CFI: variants seen among roughly 807,000 people sequenced by gnomAD.
CFI encodes C3B/C4B inactivator.
A neutral mutation model predicts 78.8 loss-of-function variants in CFI; 66 were observed. That is an observed-to-expected ratio of 0.84 (90% confidence interval 0.69 to 1.03). The LOEUF (loss-of-function observed/expected upper bound fraction) is 1.03. Among genes scored for constraint, CFI ranks in the 50% least tolerant of loss-of-function variants. The pLI is 0.00. For missense variants in CFI, 706 were observed against 704.5 expected, an observed-to-expected ratio of 1.00 and a Z score of -0.02; for synonymous variants, 250 against 232.6, an observed-to-expected ratio of 1.07 and a Z score of -0.68.
At chr4:109,751,591 GC>G (rs1277364358) in intron 8 of CFI, among the ~76,000 whole-genome samples, 1 of 151,818 alleles carries the variant, frequency 6.6e-6, no homozygotes, top group Non-Finnish European at 1.5e-5. Context: ...ACAGGCACCT[GC>G]TACCATGTCT....
chr4:109,766,429 G>C (rs935277870), intron 2 of CFI, 125 bp downstream of exon 2: 53 of 1,052,954 alleles, frequency 5.0e-5, no homozygotes, highest in Non-Finnish European at 5.0e-5. Flanking sequence ...TTATTATTGA[G>C]AGTCTAGAAA....
At chr4:109,764,464 A>G in intron 3 of CFI, 73 bp downstream of exon 3, 2 of 1,505,152 alleles carry the variant, frequency 1.3e-6, no homozygotes, top group Non-Finnish European at 9.2e-7. Context: ...AATACACAGA[A>G]AGGTTAGGTA....
At chr4:109,799,041 T>C (rs1732422420) in intron 1 of CFI, among the ~76,000 whole-genome samples, 1 of 152,142 alleles carries the variant, frequency 6.6e-6, no homozygotes, top group African/African-American at 2.4e-5. Context: ...GCACTGAACT[T>C]AGACAACCAC....
At chr4:109,734,167 T>C in the CFI span, among the ~76,000 whole-genome samples, 1 of 151,862 alleles carries the variant, frequency 6.6e-6, no homozygotes, top group Non-Finnish European at 1.5e-5. Context: ...CAAGACCCTG[T>C]CTTAAATAAA....
intron 1 of CFI, among the ~76,000 whole-genome samples, chr4:109,782,455 A>G (rs1730177156): frequency 6.6e-6 from 1 of 151,032 alleles, no homozygotes; most frequent in Non-Finnish European, 1.5e-5. Context: ...ATACTTAGGA[A>G]TATACCTAAC....
chr4:109,742,659 A>C (rs1412631050), intron 11 of CFI, 64 bp from the exon 12 acceptor site: 19 of 1,020,064 alleles, frequency 1.9e-5, no homozygotes, highest in Non-Finnish European at 2.6e-5. Flanking sequence ...ACATACTCTC[A>C]TAACTTAAAC....
chr4:109,755,551 G>A (rs1288605944), intron 7 of CFI, among the ~76,000 whole-genome samples: 1 of 152,034 alleles, frequency 6.6e-6, no homozygotes, highest in Non-Finnish European at 1.5e-5. Context: ...TCAGGAGTGG[G>A]TTAGCTGTAG....
chr4:109,783,895 G>C (rs545087938), intron 1 of CFI, among the ~76,000 whole-genome samples: 1 of 149,366 alleles, frequency 6.7e-6, no homozygotes, highest in Admixed American at 6.8e-5. Flanking sequence ...TGACCTGGAT[G>C]AGATTGGAGA....
downstream of CFI, among the ~76,000 whole-genome samples, chr4:109,737,681 T>TA (rs1723448274): frequency 6.6e-6 from 1 of 152,218 alleles, no homozygotes; most frequent in African/African-American, 2.4e-5. Context: ...GTGGCCATGG[T>TA]AGTCTCTGAT....
chr4:109,778,264 A>G (rs1299647148), intron 1 of CFI, among the ~76,000 whole-genome samples: 2 of 152,172 alleles, frequency 1.3e-5, no homozygotes, highest in Non-Finnish European at 2.9e-5. Flanking sequence ...AAAGAGAAGA[A>G]TCAAATAGAT....
rs147134656 is a variant in CFI at position 109,784,084 on chromosome 4, G to A, written c.58-17260C>T. On this transcript the variant is annotated intron_variant, in intron 1 of 12. Coordinates refer to ENST00000394634, the MANE Select transcript of CFI (RefSeq NM_000204.5). ...TAAAAGACTACAAATATGGTGCAGTGTATACTGCTCGGGTGATGGGTGCAC... is the reference window on the plus strand; with the variant it reads ...TAAAAGACTACAAATATGGTGCAGTATATACTGCTCGGGTGATGGGTGCAC... 1.7e-3 allele frequency among the ~76,000 whole-genome samples: 251 copies of A among 151,796 alleles called. 1 individual carries two copies. Among genetic ancestry groups the A allele is most frequent in the African/African-American group, 5.9e-3 (243 of 41,412 alleles).
chr4:109,795,831 A>C (rs1198209140), intron 1 of CFI, among the ~76,000 whole-genome samples: 4 of 152,190 alleles, frequency 2.6e-5, no homozygotes. Context: ...AAAATGAAAA[A>C]GTATAAAGAC....
chr4:109,753,808 T>C (rs1180356877), intron 7 of CFI, among the ~76,000 whole-genome samples: 1 of 101,600 alleles, frequency 9.8e-6, no homozygotes, highest in African/African-American at 3.8e-5. Context: ...TATTATCTAA[T>C]GTATAATTTT....
At chr4:109,776,710 G>A (rs1327196505) in intron 1 of CFI, among the ~76,000 whole-genome samples, 1 of 152,162 alleles carries the variant, frequency 6.6e-6, no homozygotes, top group Non-Finnish European at 1.5e-5. Flanking sequence ...AAATATTAAG[G>A]GCAGCCAGAG....
intron 1 of CFI, among the ~76,000 whole-genome samples, chr4:109,788,467 AAGAG>A (rs1439239567): frequency 6.6e-6 from 1 of 152,068 alleles, no homozygotes; most frequent in Non-Finnish European, 1.5e-5. Context: ...CTCAAATTTT[AAGAG>A]AGATTTTTAC....
chr4:109,770,543 G>A (rs902487830), intron 1 of CFI, among the ~76,000 whole-genome samples: 16 of 133,904 alleles, frequency 1.2e-4, no homozygotes, highest in Non-Finnish European at 2.2e-4. Flanking sequence ...ATGACAGAGC[G>A]AGACTCCATC....
At chr4:109,793,751 C>G (rs901815344) in intron 1 of CFI, 2 of 152,292 alleles carry the variant, frequency 1.3e-5, no homozygotes, top group African/African-American at 4.8e-5. Flanking sequence ...TCTTGAACTC[C>G]TGGGCTTAAG....
chr4:109,742,318 G>A (rs1655883519), intron 12 of CFI, 173 bp downstream of exon 12: 1 of 634,438 alleles, frequency 1.6e-6, no homozygotes, highest in Non-Finnish European at 2.8e-6. Flanking sequence ...TAGTATTAGA[G>A]GAAGAAACCT....
chr4:109,744,311 T>C (rs1343627011), intron 11 of CFI, among the ~76,000 whole-genome samples: 1 of 152,184 alleles, frequency 6.6e-6, no homozygotes, highest in Non-Finnish European at 1.5e-5. Flanking sequence ...TGAAATTATA[T>C]GACATCTGGG....
Sources: gnomAD v4.1 joint callset for allele counts (sites outside exome capture counted in the v4.1 genomes callset) on GRCh38, gnomAD v4.1.1 for gene constraint, MANE v1.5 for transcripts, NCBI Gene and HGNC (gene_info 2026-07-23, HGNC 2026-07-21) for gene names.